GAN: variants seen among roughly 807,000 people sequenced by gnomAD.
The protein encoded by GAN is gigaxonin.
In GAN, 48 loss-of-function variants were observed where a neutral mutation model predicts 71.3. The ratio of observed to expected loss-of-function variants is 0.67; its 90% CI spans 0.53 to 0.86. The LOEUF is 0.86. Among genes scored for constraint, GAN ranks in the 40% least tolerant of loss-of-function variants. The pLI is 0.00. For missense variants in GAN, 928 were observed against 770.1 expected (o/e 1.21, Z -2.43); for synonymous variants, 386 against 276.8 (o/e 1.39, Z -3.92).
rs558543306 is a variant in GAN, at chr16:81,336,268, G to A, written c.168-15315G>A. On this transcript the variant is annotated intron_variant, in intron 1 of 10. Transcript: ENST00000648994. The stretch of plus-strand genomic sequence containing the variant: ...TTGTGTCTCAGACGTCTGTGGAAAT[G>A]CTCTTCTTCCATGTAGATGGAATTC... Among the ~76,000 whole-genome samples, 4 of 152,302 alleles carry A rather than the reference G, an allele frequency of 2.6e-5. No individual in the cohort carries two copies. In the East Asian group the frequency reaches 7.7e-4, roughly 29 times the overall value.
At position 81,384,980 on chromosome 16, in the gene GAN, A is replaced by G. The variant is rs1904358714; in HGVS notation, c.*7384A>G. ...ACATTCTACTTAAATGGAGGAGTTCAGTGATGCCGTGGCCAAAAGAGTTAT... is the reference window on the plus strand; with the variant it reads ...ACATTCTACTTAAATGGAGGAGTTCGGTGATGCCGTGGCCAAAAGAGTTAT... On this transcript the variant is annotated 3_prime_UTR_variant, in exon 11 of 11. Coordinates refer to ENST00000648994, the MANE Select transcript of GAN (RefSeq NM_022041.4). 1 of 154,334 alleles carries G rather than the reference A, an allele frequency of 6.5e-6. No homozygotes were observed. The highest frequency in any genetic ancestry group is 2.4e-5 in the African/African-American group (1 of 41,522). 9.6% of individuals were successfully genotyped at this position (154,334 alleles called of 1,614,324 possible). A position where few individuals can be genotyped will look rare whatever the true frequency, so the allele number is the denominator to read the frequency against.
intron 1 of GAN, among the ~76,000 whole-genome samples, chr16:81,347,696 C>G (rs1280456827): frequency 6.6e-6 from 1 of 152,146 alleles, no homozygotes; most frequent in Non-Finnish European, 1.5e-5. Flanking sequence ...AATTTTCTTT[C>G]AGAATTTTAA....
In GAN at chr16:81,362,507, T is replaced by C; in HGVS notation, c.982T>C (p.Leu328=). 6.3e-7 allele frequency: 1 copy of C among 1,583,214 alleles called. No homozygotes were observed. The highest frequency in any genetic ancestry group is 8.7e-7 in the Non-Finnish European group (1 of 1,151,814). ...TCCTTTGATCTTTGCAGAAGGATTT[T>C]TGTTTGTATTCGGGGGCCAAGATGA... ...NHGVLSAEGF[L]FVFGGQDENK... The change falls in exon 6 of 11, where the codon TTG becomes CTG. Residue 328 remains leucine, a synonymous_variant. Transcript: ENST00000648994.
In GAN at chr16:81,382,198, G is replaced by A. The variant is rs1417557191; in HGVS notation, c.*4602G>A. On this transcript the variant is annotated 3_prime_UTR_variant, in exon 11 of 11. Transcript: ENST00000648994. ...GATATGGCTTCATTTCTCACTTTAGGGAGGAGCAAGAACCAAAAGCAGAAG... is the reference window on the plus strand; with the variant it reads ...GATATGGCTTCATTTCTCACTTTAGAGAGGAGCAAGAACCAAAAGCAGAAG... 1 of 152,054 alleles carries A rather than the reference G, an allele frequency of 6.6e-6. No homozygotes were observed. Among genetic ancestry groups the A allele is most frequent in the African/African-American group, 2.4e-5 (1 of 41,400 alleles). The allele number at this position is 152,054 out of a possible 1,614,324, so 9.4% of individuals were successfully genotyped here.
At chr16:81,375,195 T>C (rs1350591494) in intron 9 of GAN, among the ~76,000 whole-genome samples, 1 of 151,990 alleles carries the variant, frequency 6.6e-6, no homozygotes, top group African/African-American at 2.4e-5. Context: ...GGAAAAAATA[T>C]TCATAATACA....
chr16:81,376,902 GC>G (rs1199003625), intron 9 of GAN, among the ~76,000 whole-genome samples: 1 of 152,140 alleles, frequency 6.6e-6, no homozygotes, highest in Non-Finnish European at 1.5e-5. Context: ...ATGGAGTACT[GC>G]TTAGAAATAA....
At chr16:81,339,821 T>G (rs1909882693) in intron 1 of GAN, among the ~76,000 whole-genome samples, 2 of 151,988 alleles carry the variant, frequency 1.3e-5, no homozygotes, top group African/African-American at 4.8e-5. Context: ...ACAAATGGTA[T>G]TGGGGGAGGT....
chr16:81,315,969 C>A (rs1319801179), intron 1 of GAN, among the ~76,000 whole-genome samples: 1 of 152,234 alleles, frequency 6.6e-6, no homozygotes, highest in African/African-American at 2.4e-5. Context: ...TTGAAGTAAA[C>A]TGTAGCGAAT....
Position 81,389,864 on chromosome 16 carries a change from G to C in GAN, c.*12268G>C, listed in dbSNP as rs560925027. ...TGACTGTCACCCTTGTCCAAGACTG[G>C]TTTTTAACAGTCTTGATTTGTCATT... On this transcript the variant is annotated 3_prime_UTR_variant, in exon 11 of 11. Coordinates refer to ENST00000648994, the MANE Select transcript of GAN (RefSeq NM_022041.4). 1.3e-5 allele frequency: 2 copies of C among 152,266 alleles called. No individual in the cohort carries two copies. Among genetic ancestry groups the C allele is most frequent in the Non-Finnish European group, 2.9e-5 (2 of 68,036 alleles). 9.4% of individuals were successfully genotyped at this position (152,266 alleles called of 1,614,324 possible).
At chr16:81,361,240 CA>C (rs982666429) in intron 5 of GAN, among the ~76,000 whole-genome samples, 4 of 151,136 alleles carry the variant, frequency 2.6e-5, no homozygotes, top group East Asian at 1.9e-4. Context: ...CAAAAAAAAT[CA>C]AAAAAAAATT....
intron 2 of GAN, among the ~76,000 whole-genome samples, chr16:81,353,292 A>AAAAAAAAAAAAAAAAAAAAAAAAC (rs1567490930): frequency 6.4e-4 from 2 of 3,118 alleles, no homozygotes; most frequent in African/African-American, 2.0e-3. Flanking sequence ...ACTCCGTCTC[A>AAAAAAAAAAAAAAAAAAAAAAAAC]AAAAAAAAAA....
chr16:81,356,207 C>T (rs531813393), intron 3 of GAN, among the ~76,000 whole-genome samples: 3 of 151,334 alleles, frequency 2.0e-5, no homozygotes, highest in East Asian at 1.9e-4. Context: ...AAAATACTTT[C>T]GTCAGTTCAA....
Position 81,365,492 on chromosome 16 carries a change from G to T in GAN, c.1502+14G>T, listed in dbSNP as rs1173298687. On this transcript the variant is annotated intron_variant, in intron 9 of 10. Transcript: ENST00000648994. ...TGAGTTTAAAAGGTAACTAAGAATG[G>T]TTTCACATAGCTACTGCAACTTTTT... The T allele has an allele frequency of 6.2e-7, 1 of 1,611,992 alleles. No homozygotes were observed. The highest frequency in any genetic ancestry group is 8.5e-7 in the Non-Finnish European group (1 of 1,178,636).
rs2150678923 is a variant in GAN at position 81,343,097 on chromosome 16, A to G, written c.168-8486A>G. On this transcript the variant is annotated intron_variant, in intron 1 of 10. Transcript: ENST00000648994. ...AACCAGGAAGAAGTTGAATCTCTGA[A>G]TAGACCAATAACAGGTTCTGAAATT... Among the ~76,000 whole-genome samples, 3 of 152,366 alleles carry G rather than the reference A, an allele frequency of 2.0e-5. 1 individual carries two copies. In the Middle Eastern group the frequency reaches 0.01, roughly 518 times the overall value.
rs901492248 is a variant in GAN at position 81,390,486 on chromosome 16, A to G, written c.*12890A>G. On this transcript the variant is annotated 3_prime_UTR_variant, in exon 11 of 11. Coordinates refer to ENST00000648994, the MANE Select transcript of GAN (RefSeq NM_022041.4). The stretch of plus-strand genomic sequence containing the variant: ...ACGCACTTTGTTTACATGCTTCAGT[A>G]TATTGTGGGGTTGGTCCCTTCTCAC... The G allele has an allele frequency of 2.0e-5, 3 of 152,228 alleles. No individual in the cohort carries two copies. The highest frequency in any genetic ancestry group is 4.8e-5 in the African/African-American group (2 of 41,458). The allele number at this position is 152,228 out of a possible 1,614,324, so 9.4% of individuals were successfully genotyped here.
chr16:81,370,105 G>A (rs964435376), intron 9 of GAN, among the ~76,000 whole-genome samples: 8 of 152,184 alleles, frequency 5.3e-5, no homozygotes, highest in Non-Finnish European at 7.3e-5. Flanking sequence ...GCAACAGTAT[G>A]CCTCCACAGC....
intron 1 of GAN, among the ~76,000 whole-genome samples, chr16:81,346,210 G>A (rs1330745717): frequency 6.6e-6 from 1 of 152,202 alleles, no homozygotes; most frequent in Non-Finnish European, 1.5e-5. Context: ...TACAGCAGGA[G>A]ATTGGAGTAA....
intron 1 of GAN, among the ~76,000 whole-genome samples, chr16:81,324,183 TTAAG>T (rs1399313292): frequency 6.6e-6 from 1 of 152,166 alleles, no homozygotes; most frequent in Admixed American, 6.5e-5. Flanking sequence ...ATGACTTTCT[TTAAG>T]TAGAGAACAT....
At position 81,315,040 on chromosome 16, in the gene GAN, G is replaced by C. The variant is rs886052331; in HGVS notation, c.-74G>C. 62 of 1,224,046 alleles carry C rather than the reference G, an allele frequency of 5.1e-5. No individual in the cohort carries two copies. Among genetic ancestry groups the C allele is most frequent in the Middle Eastern group, 3.0e-4 (1 of 3,342 alleles). 75.8% of individuals were successfully genotyped at this position (1,224,046 alleles called of 1,614,324 possible). On this transcript the variant is annotated 5_prime_UTR_variant, in exon 1 of 11. Transcript: ENST00000648994. ...CCGGGCCGGGCGGGCGCGCGCGCAG[G>C]ACTCGGGCCGCTCGAGGGGTCCGGC...
Sources: gnomAD v4.1 joint callset for allele counts (sites outside exome capture counted in the v4.1 genomes callset) on GRCh38, gnomAD v4.1.1 for gene constraint, MANE v1.5 for transcripts, NCBI Gene and HGNC (gene_info 2026-07-23, HGNC 2026-07-21) for gene names.